The following MAP4K5 variants were observed in gnomAD, a reference collection of about 807,000 sequenced individuals.
MAP4K5 encodes the protein mitogen-activated protein kinase kinase kinase kinase 5.
In MAP4K5, 82 loss-of-function variants were observed where a neutral mutation model predicts 135.6. That is an observed-to-expected ratio of 0.60 (90% CI 0.51 to 0.73). The LOEUF (loss-of-function observed/expected upper bound fraction) is 0.73. Ranked by LOEUF, MAP4K5 falls within the 30% of genes least tolerant of loss-of-function variation. The probability of loss-of-function intolerance (pLI) is 0.00; values close to 1 mark genes in which losing one functional copy is unlikely to be tolerated. For synonymous variants in MAP4K5, 347 were observed against 335.0 expected, an observed-to-expected ratio of 1.04 and a Z score of -0.39; for missense variants, 907 against 1,010.9, an observed-to-expected ratio of 0.90 and a Z score of 1.39.
intron 32 of MAP4K5, among the ~76,000 whole-genome samples, chr14:50,420,818 G>A (rs920608670): frequency 1.3e-5 from 2 of 151,920 alleles, no homozygotes; most frequent in East Asian, 1.9e-4. Context: ...AAAATAGTAT[G>A]AAATGGGGCC....
chr14:50,560,854 G>A (rs955762566), intron 1 of MAP4K5, among the ~76,000 whole-genome samples: 1 of 152,230 alleles, frequency 6.6e-6, no homozygotes, highest in Non-Finnish European at 1.5e-5. Context: ...AGCAGACCGA[G>A]CAACTGGGAG....
At chr14:50,522,675 A>T (rs2038176500) in intron 2 of MAP4K5, among the ~76,000 whole-genome samples, 1 of 152,144 alleles carries the variant, frequency 6.6e-6, no homozygotes, top group Non-Finnish European at 1.5e-5. Flanking sequence ...TTTCCAAGTT[A>T]TTCACTCTCT....
At chr14:50,456,255 A>C (rs1270868228) in intron 14 of MAP4K5, 7 of 442,924 alleles carry the variant, frequency 1.6e-5, no homozygotes, top group African/African-American at 8.2e-5. Context: ...GATTGCATGC[A>C]ATGTTAATTT....
At chr14:50,524,115 C>T (rs554151042) in intron 2 of MAP4K5, among the ~76,000 whole-genome samples, 3 of 152,318 alleles carry the variant, frequency 2.0e-5, no homozygotes, top group African/African-American at 4.8e-5. Flanking sequence ...AGAATTCCAT[C>T]TCTAAACTCA....
At chr14:50,453,468 C>A (rs2036535847) in intron 14 of MAP4K5, among the ~76,000 whole-genome samples, 1 of 152,110 alleles carries the variant, frequency 6.6e-6, no homozygotes, top group Non-Finnish European at 1.5e-5. Context: ...ATGACCCCCT[C>A]TGAGTTATTC....
In MAP4K5 at chr14:50,511,434, A is replaced by G. The variant is rs149266670; in HGVS notation, c.109-6577T>C. On this transcript the variant is annotated intron_variant, in intron 2 of 32. Transcript: ENST00000682126. ...TAGGGGGAAGGGAGGAATAGGGAGA[A>G]ATTTGTTAAAGTATACAAAACGATA... Among the ~76,000 whole-genome samples, 519 of 152,242 alleles carry G rather than the reference A, an allele frequency of 3.4e-3. 1 individual carries two copies. The highest frequency in any genetic ancestry group is 5.3e-3 in the Non-Finnish European group (362 of 67,974).
chr14:50,497,516 C>T (rs902986158), intron 3 of MAP4K5, among the ~76,000 whole-genome samples: 12 of 152,144 alleles, frequency 7.9e-5, no homozygotes, highest in African/African-American at 2.9e-4. Flanking sequence ...GACACTTGTC[C>T]TATTTGGCCA....
intron 1 of MAP4K5, chr14:50,559,587 G>A (rs971608098): frequency 4.6e-5 from 7 of 152,150 alleles, no homozygotes; most frequent in African/African-American, 1.7e-4. Flanking sequence ...TTACCCAGTG[G>A]ATATTGAGTT....
At chr14:50,465,216 G>C (rs2139822692) in intron 11 of MAP4K5, among the ~76,000 whole-genome samples, 1 of 152,234 alleles carries the variant, frequency 6.6e-6, no homozygotes, top group African/African-American at 2.4e-5. Context: ...CCTGTTTGTG[G>C]GGAGGGGCCT....
chr14:50,486,070 A>C (rs1476528000), intron 4 of MAP4K5, 34 bp downstream of exon 4: 1 of 792,146 alleles, frequency 1.3e-6, no homozygotes. Context: ...AATATATAAA[A>C]TACAGAGAGA....
At chr14:50,431,862 C>T (rs1015374454) in intron 28 of MAP4K5, among the ~76,000 whole-genome samples, 1 of 152,162 alleles carries the variant, frequency 6.6e-6, no homozygotes, top group Non-Finnish European at 1.5e-5. Context: ...AGTTTACAGT[C>T]CCACCAACAG....
chr14:50,524,658 G>A (rs370450275), intron 2 of MAP4K5, among the ~76,000 whole-genome samples: 37 of 151,874 alleles, frequency 2.4e-4, no homozygotes, highest in African/African-American at 8.5e-4. Context: ...AAGAGTAGGC[G>A]ATAAGATGGA....
chr14:50,518,973 G>T (rs1397615947), intron 2 of MAP4K5, among the ~76,000 whole-genome samples: 1 of 152,042 alleles, frequency 6.6e-6, no homozygotes, highest in Non-Finnish European at 1.5e-5. Context: ...AGGAAATTTA[G>T]CTCTAGAAAT....
chr14:50,451,837 T>C lies in MAP4K5; in HGVS notation c.1016-3005A>G, dbSNP rs535540964. Among the ~76,000 whole-genome samples, 8 of 152,308 alleles carry C rather than the reference T, an allele frequency of 5.3e-5. No individual in the cohort carries two copies. The East Asian group carries it at 1.5e-3, about 29-fold the overall frequency. ...TACTTGGGAAATCTGTGATTACTTC[T>C]CTGGAGACAGAAACACTTACCTCCC... On this transcript the variant is annotated intron_variant, in intron 14 of 32. Transcript: ENST00000682126.
intron 2 of MAP4K5, among the ~76,000 whole-genome samples, chr14:50,541,216 A>G (rs578200985): frequency 1.3e-5 from 2 of 152,368 alleles, no homozygotes; most frequent in Admixed American, 6.5e-5. Flanking sequence ...CTTCTGTTCT[A>G]TGATAGAGTA....
chr14:50,496,972 T>C (rs922191605), intron 3 of MAP4K5, among the ~76,000 whole-genome samples: 5 of 152,242 alleles, frequency 3.3e-5, no homozygotes, highest in African/African-American at 1.2e-4. Context: ...AAAAGTTTTC[T>C]GTATTAGTAA....
intron 21 of MAP4K5, 99 bp downstream of exon 21, chr14:50,442,633 T>G: frequency 1.2e-6 from 1 of 838,496 alleles, no homozygotes; most frequent in South Asian, 1.6e-5. Context: ...GTCTCTAAAG[T>G]CGTATTTTTA....
chr14:50,466,870 A>G (rs1254823886), intron 10 of MAP4K5, among the ~76,000 whole-genome samples: 2 of 152,180 alleles, frequency 1.3e-5, no homozygotes, highest in Non-Finnish European at 2.9e-5. Context: ...TTATTCACAA[A>G]GCAAACCCAC....
chr14:50,461,351 A>G (rs2036707064), intron 13 of MAP4K5, among the ~76,000 whole-genome samples: 1 of 152,108 alleles, frequency 6.6e-6, no homozygotes, highest in African/African-American at 2.4e-5. Context: ...TTTATAGGAA[A>G]TAATTTAAAG....
Sources: gnomAD v4.1 joint callset for allele counts (sites outside exome capture counted in the v4.1 genomes callset) on GRCh38, gnomAD v4.1.1 for gene constraint, MANE v1.5 for transcripts, NCBI Gene and HGNC (gene_info 2026-07-23, HGNC 2026-07-21) for gene names.